The following NIPA1 variants were observed in gnomAD, a reference collection of about 807,000 sequenced individuals.
NIPA1 encodes the protein magnesium transporter NIPA1.
Under a neutral mutation model 23.9 loss-of-function variants are expected in NIPA1, and 13 were observed. That is an observed-to-expected ratio of 0.54 (90% CI 0.35 to 0.87). NIPA1 has a LOEUF of 0.87. NIPA1 is among the 40% of genes least tolerant of loss of function. The probability of loss-of-function intolerance (pLI) is 0.01; values close to 1 mark genes in which losing one functional copy is unlikely to be tolerated. For synonymous variants in NIPA1, 234 were observed against 202.9 expected (o/e 1.15, Z -1.30); for missense variants, 362 against 429.7 (o/e 0.84, Z 1.39).
At chr15:22,809,542 C>T (rs1158168832) in intron 1 of NIPA1, among the ~76,000 whole-genome samples, 6 of 151,730 alleles carry the variant, frequency 4.0e-5, no homozygotes, top group African/African-American at 9.7e-5. Flanking sequence ...GTCAGGAGTT[C>T]GAGACCAGCC....
At chr15:22,810,356 T>G (rs1193727854) in intron 1 of NIPA1, among the ~76,000 whole-genome samples, 1 of 152,178 alleles carries the variant, frequency 6.6e-6, no homozygotes, top group Non-Finnish European at 1.5e-5. Flanking sequence ...AACCCTATGA[T>G]AATAAAATTC....
intron 3 of NIPA1, 80 bp downstream of exon 3, chr15:22,812,333 T>A: frequency 9.6e-7 from 1 of 1,042,428 alleles, no homozygotes; most frequent in Non-Finnish European, 1.5e-6. Context: ...TCTGTTAAAG[T>A]AATAAGAGCA....
chr15:22,788,881 T>G (rs1401959007), intron 1 of NIPA1, among the ~76,000 whole-genome samples: 1 of 121,348 alleles, frequency 8.2e-6, no homozygotes, highest in Non-Finnish European at 1.6e-5. Flanking sequence ...ATTGTGCCAT[T>G]GCACTCCAGC....
At chr15:22,804,475 C>T (rs1044730376) in intron 1 of NIPA1, among the ~76,000 whole-genome samples, 1 of 152,112 alleles carries the variant, frequency 6.6e-6, no homozygotes, top group African/African-American at 2.4e-5. Flanking sequence ...TCTAATTTGT[C>T]TGTTTTTTTC....
At chr15:22,794,785 C>T (rs1192724227) in intron 1 of NIPA1, among the ~76,000 whole-genome samples, 1 of 152,106 alleles carries the variant, frequency 6.6e-6, no homozygotes, top group Non-Finnish European at 1.5e-5. Flanking sequence ...GGAGACGGAA[C>T]GAGGTTAGTT....
At chr15:22,796,716 A>G (rs1299308144) in intron 1 of NIPA1, among the ~76,000 whole-genome samples, 3 of 152,010 alleles carry the variant, frequency 2.0e-5, no homozygotes, top group African/African-American at 7.2e-5. Flanking sequence ...TCACACTCCT[A>G]CTCTGCAGCC....
chr15:22,786,712 G>T lies in NIPA1; in HGVS notation c.56G>T (p.Gly19Val). 1 of 1,184,704 alleles carries T rather than the reference G, an allele frequency of 8.4e-7. No individual in the cohort carries two copies. Among genetic ancestry groups the T allele is most frequent in the Non-Finnish European group, 1.1e-6 (1 of 944,990 alleles). 73.4% of individuals were successfully genotyped at this position (1,184,704 alleles called of 1,614,324 possible). A position where few individuals can be genotyped will look rare whatever the true frequency, so the allele number is the denominator to read the frequency against. ...AAAAAAAAGE[G>V]ARSPSPAAVS... ...GCGGCGGCGGCGGCGGCCGGGGAGG[G>T]GGCGCGTAGCCCGAGCCCCGCCGCC... The change falls in exon 1 of 5, where the codon GGG (glycine) becomes GTG (valine). Residue 19 changes from glycine to valine, a missense_variant. Coordinates refer to ENST00000337435, the MANE Select transcript of NIPA1 (RefSeq NM_144599.5).
intron 1 of NIPA1, among the ~76,000 whole-genome samples, chr15:22,791,983 G>A (rs1378717856): frequency 6.6e-6 from 1 of 152,132 alleles, no homozygotes; most frequent in Non-Finnish European, 1.5e-5. Flanking sequence ...ACATAGTCCA[G>A]GGAGCGTGCT....
In NIPA1 at chr15:22,786,842, GGGCGGCAGGCGGCA is replaced by G. The variant is rs753298688; in HGVS notation, c.178+15_178+28del. 27 of 1,189,382 alleles carry G rather than the reference GGGCGGCAGGCGGCA, an allele frequency of 2.3e-5. No individual in the cohort carries two copies. Among genetic ancestry groups the G allele is most frequent in the African/African-American group, 1.6e-4 (10 of 62,274 alleles). The allele number at this position is 1,189,382 out of a possible 1,614,324, so 73.7% of individuals were successfully genotyped here. A position where few individuals can be genotyped will look rare whatever the true frequency, so the allele number is the denominator to read the frequency against. Reference sequence around the variant, plus strand: ...TGCGTGCCAAGCGGCGAGGTAGGGCGGGCGGCAGGCGGCAGGCGGCGGGCGGGTGGGGGAGGCGG... The same window carrying G: ...TGCGTGCCAAGCGGCGAGGTAGGGCGGGCGGCGGGCGGGTGGGGGAGGCGG... On this transcript the variant is annotated intron_variant, in intron 1 of 4. Coordinates refer to ENST00000337435, the MANE Select transcript of NIPA1 (RefSeq NM_144599.5).
chr15:22,796,710 A>G (rs1254376300), intron 1 of NIPA1, among the ~76,000 whole-genome samples: 1 of 152,002 alleles, frequency 6.6e-6, no homozygotes, highest in Non-Finnish European at 1.5e-5. Context: ...TCAGTCTCAC[A>G]CTCCTACTCT....
At chr15:22,801,654 C>T (rs1271743142) in intron 1 of NIPA1, among the ~76,000 whole-genome samples, 2 of 151,848 alleles carry the variant, frequency 1.3e-5, no homozygotes, top group East Asian at 3.9e-4. Flanking sequence ...GTAGCTAGGA[C>T]TACAGGCACC....
In NIPA1 at chr15:22,786,766, T is replaced by C; in HGVS notation, c.110T>C (p.Val37Ala). Residue 37 changes from valine (V) to alanine (A), a missense_variant, in exon 1 of 5, where the codon GTG becomes GCG. Physicochemically the swap from Val to Ala is moderately conservative, Grantham distance 64 (BLOSUM62 0). This residue lies in a region of NIPA1 where 85 missense variants were observed against 57.7 expected (regional missense o/e 1.47). Coordinates refer to ENST00000337435, the MANE Select transcript of NIPA1 (RefSeq NM_144599.5). Reference sequence around the variant, plus strand: ...TCGCTCGGCCTGGGCGTGGCCGTCGTGTCGAGCCTGGTGAACGGGTCCACG... The same window carrying C: ...TCGCTCGGCCTGGGCGTGGCCGTCGCGTCGAGCCTGGTGAACGGGTCCACG... ...AVSLGLGVAVVSSLVNGSTFV... is the reference protein window; with the variant it reads ...AVSLGLGVAVASSLVNGSTFV... The C allele has an allele frequency of 7.6e-7, 1 of 1,310,042 alleles. No homozygotes were observed. Among genetic ancestry groups the C allele is most frequent in the Non-Finnish European group, 9.9e-7 (1 of 1,008,688 alleles). 81.2% of individuals were successfully genotyped at this position (1,310,042 alleles called of 1,614,324 possible).
chr15:22,826,502 T>C lies in NIPA1; in HGVS notation c.*2263T>C, dbSNP rs745442003. On this transcript the variant is annotated 3_prime_UTR_variant, in exon 5 of 5. Coordinates refer to ENST00000337435, the MANE Select transcript of NIPA1 (RefSeq NM_144599.5). ...GGGTGTGAGATATTCAAAGAATACA[T>C]GTGGCTAACAAGTGTAATGAGAAAG... 2.0e-5 allele frequency: 3 copies of C among 152,212 alleles called. No homozygotes were observed. The highest frequency in any genetic ancestry group is 4.8e-5 in the African/African-American group (2 of 41,452). The allele number at this position is 152,212 out of a possible 1,614,324, so 9.4% of individuals were successfully genotyped here.
intron 1 of NIPA1, among the ~76,000 whole-genome samples, chr15:22,801,894 G>A (rs566728947): frequency 2.6e-5 from 4 of 152,250 alleles, no homozygotes; most frequent in Admixed American, 1.3e-4. Flanking sequence ...ATGGAATAAA[G>A]AAATAGAATA....
chr15:22,815,840 C>T (rs1895403473), intron 3 of NIPA1, among the ~76,000 whole-genome samples: 1 of 152,120 alleles, frequency 6.6e-6, no homozygotes, highest in South Asian at 2.1e-4. Flanking sequence ...ATAGAATAAT[C>T]ACCATGTGAT....
At chr15:22,797,311 A>G (rs1218048676) in intron 1 of NIPA1, among the ~76,000 whole-genome samples, 1 of 151,244 alleles carries the variant, frequency 6.6e-6, no homozygotes, top group Middle Eastern at 3.2e-3. Context: ...CCGGGTTCAC[A>G]CCATTCTCCT....
intron 3 of NIPA1, among the ~76,000 whole-genome samples, chr15:22,816,117 A>T (rs1895409913): frequency 6.6e-6 from 1 of 152,026 alleles, no homozygotes; most frequent in African/African-American, 2.4e-5. Flanking sequence ...AAACAAATTA[A>T]AAGGCATCCA....
At chr15:22,812,302 C>A (rs1362685996) in intron 3 of NIPA1, 49 bp downstream of exon 3, 1 of 1,311,222 alleles carries the variant, frequency 7.6e-7, no homozygotes. Context: ...GTAGATATAA[C>A]AACTTTTCAT....
chr15:22,818,075 A>G (rs1895461733), intron 3 of NIPA1, among the ~76,000 whole-genome samples: 2 of 152,238 alleles, frequency 1.3e-5, no homozygotes, highest in African/African-American at 2.4e-5. Flanking sequence ...GGATGCCATC[A>G]ATGAATTGAA....
Sources: allele counts gnomAD v4.1 joint callset (sites outside exome capture counted in the v4.1 genomes callset), GRCh38; gene constraint gnomAD v4.1.1; regional missense constraint gnomAD v4.1.1; transcripts MANE v1.5; gene names NCBI Gene and HGNC (gene_info 2026-07-23, HGNC 2026-07-21).